Variants in OSMR observed in about 807,000 individuals in gnomAD.
OSMR encodes the protein oncostatin-M-specific receptor subunit beta.
A neutral mutation model predicts 99.9 loss-of-function variants in OSMR; 81 were observed. That is an observed-to-expected ratio of 0.81 (90% CI 0.68 to 0.97). The LOEUF is 0.97. Among genes scored for constraint, OSMR ranks in the 50% least tolerant of loss-of-function variants. The pLI, the probability that OSMR is intolerant of heterozygous loss-of-function variation, is 0.00. For synonymous variants in OSMR, 406 were observed against 410.4 expected (o/e 0.99, Z 0.13); for missense variants, 1,099 against 1,153.4 (o/e 0.95, Z 0.68).
chr5:38,884,136 C>T (rs1344734706), intron 5 of OSMR, 25 bp downstream of exon 5: 1 of 1,509,516 alleles, frequency 6.6e-7, no homozygotes, highest in Non-Finnish European at 9.2e-7. Context: ...TCTCTGTGGC[C>T]CTTTCTTCTC....
downstream of OSMR, chr5:38,945,471 G>C (rs943427405): frequency 7.3e-6 from 11 of 1,513,742 alleles, no homozygotes; most frequent in Admixed American, 1.4e-4. Flanking sequence ...TTTTTCTGAA[G>C]GTGGGACGTG....
At chr5:38,914,204 T>C (rs566100491) in intron 9 of OSMR, among the ~76,000 whole-genome samples, 15 of 152,226 alleles carry the variant, frequency 9.9e-5, no homozygotes, top group Non-Finnish European at 2.2e-4. Flanking sequence ...AAATCTGACA[T>C]CAAGCTGTTG....
intron 17 of OSMR, 166 bp from the exon 18 acceptor site, chr5:38,932,706 C>T (rs571255768): frequency 2.0e-6 from 2 of 985,328 alleles, no homozygotes; most frequent in Non-Finnish European, 2.4e-6. Flanking sequence ...TTTCTTCTGT[C>T]AGGGGAAATC....
At chr5:38,925,139 T>A in intron 14 of OSMR, 65 bp from the exon 15 acceptor site, 1 of 1,602,442 alleles carries the variant, frequency 6.2e-7, no homozygotes, top group South Asian at 1.1e-5. Context: ...TCTCACAAGA[T>A]GTTTACAACA....
intron 7 of OSMR, among the ~76,000 whole-genome samples, chr5:38,891,589 G>T (rs1045765381): frequency 6.6e-6 from 1 of 152,118 alleles, no homozygotes; most frequent in African/African-American, 2.4e-5. Flanking sequence ...AGTTTTGGGG[G>T]AATCCACACT....
chr5:38,924,038 CCTCACTTTAGTAGGTT>C (rs1746357266), intron 13 of OSMR, among the ~76,000 whole-genome samples: 1 of 152,202 alleles, frequency 6.6e-6, no homozygotes, highest in Non-Finnish European at 1.5e-5. Flanking sequence ...CTTCCTTCTT[CCTCACTTTAGTAGGTT>C]CTCTGGTTGA....
At chr5:38,861,680 T>C (rs1409221423) in intron 1 of OSMR, among the ~76,000 whole-genome samples, 2 of 150,628 alleles carry the variant, frequency 1.3e-5, no homozygotes, top group Non-Finnish European at 3.0e-5. Context: ...GCTCCTCACT[T>C]CCCAGTAGGG....
At chr5:38,941,281 A>C (rs1747540238) in intron 1 of OSMR, 1 of 232,420 alleles carries the variant, frequency 4.3e-6, no homozygotes. Context: ...TTTGGTACTT[A>C]AGGCTTTTCA....
chr5:38,933,379 C>A lies in OSMR; in HGVS notation c.2875C>A (p.Pro959Thr). Reference protein sequence around the residue: ...MAVSLRLALPPPTENSSLSSI... With the variant: ...MAVSLRLALPTPTENSSLSSI... ...AGTCTCCCTGCGTCTTGCCTTGCCT[C>A]CCCCGACCGAGAATAGCAGCCTCTC... Residue 959 changes from proline to threonine, a missense_variant, in exon 18 of 18, where the codon CCC (proline) becomes ACC (threonine). Transcript: ENST00000274276. 1 of 1,613,998 alleles carries A rather than the reference C, an allele frequency of 6.2e-7. No individual in the cohort carries two copies. Among genetic ancestry groups the A allele is most frequent in the Non-Finnish European group, 8.5e-7 (1 of 1,179,884 alleles).
intron 1 of OSMR, among the ~76,000 whole-genome samples, chr5:38,858,672 T>C (rs1741047365): frequency 1.3e-5 from 2 of 152,246 alleles, no homozygotes; most frequent in African/African-American, 2.4e-5. Flanking sequence ...TTTTAGTTTT[T>C]TGAGAGACCT....
rs1437791616 is a variant in OSMR, at chr5:38,861,896, G to A, written c.-13-7136G>A. 9.9e-4 allele frequency among the ~76,000 whole-genome samples: 134 copies of A among 135,692 alleles called. 1 individual carries two copies. The highest frequency in any genetic ancestry group is 4.2e-3 in the Middle Eastern group (1 of 236). The allele number at this position is 135,692 out of a possible 152,430, so 89.0% of individuals were successfully genotyped here. ...GGGCTGACCCCCCCACCTCCCTCCC[G>A]GACGGGGCGGCTGGCCGGGCGGGGG... On this transcript the variant is annotated intron_variant, in intron 1 of 17. Coordinates refer to ENST00000274276, the MANE Select transcript of OSMR (RefSeq NM_003999.3).
At chr5:38,874,790 A>G (rs927243177) in intron 2 of OSMR, among the ~76,000 whole-genome samples, 1 of 152,228 alleles carries the variant, frequency 6.6e-6, no homozygotes, top group Non-Finnish European at 1.5e-5. Context: ...ATTGCTTTGT[A>G]TATGTTATTT....
chr5:38,924,301 T>A lies in OSMR; in HGVS notation c.1871-121T>A, dbSNP rs1579802176. Reference sequence around the variant, plus strand: ...CTCTAGAGAAACAGATAAAACTCCTTAACTTGGCATAAGCTGTTACAACCT... The same window carrying A: ...CTCTAGAGAAACAGATAAAACTCCTAAACTTGGCATAAGCTGTTACAACCT... On this transcript the variant is annotated intron_variant, in intron 13 of 17. Transcript: ENST00000274276. The A allele has an allele frequency of 7.7e-6, 12 of 1,549,546 alleles. No homozygotes were observed. The East Asian group carries it at 2.9e-4, about 37-fold the overall frequency.
At chr5:38,888,814 T>G (rs916594247) in intron 7 of OSMR, among the ~76,000 whole-genome samples, 3 of 152,208 alleles carry the variant, frequency 2.0e-5, no homozygotes, top group Non-Finnish European at 4.4e-5. Context: ...TCATTTTGAT[T>G]ATCTGAAATT....
intron 7 of OSMR, among the ~76,000 whole-genome samples, chr5:38,888,526 C>T (rs1230030719): frequency 6.6e-6 from 1 of 152,136 alleles, no homozygotes. Flanking sequence ...CCCAAGGACC[C>T]CTTTTAACTC....
intron 9 of OSMR, among the ~76,000 whole-genome samples, chr5:38,916,095 T>G (rs996850712): frequency 6.6e-6 from 1 of 152,228 alleles, no homozygotes; most frequent in Non-Finnish European, 1.5e-5. Context: ...TGATTCTATG[T>G]GGAATACAGA....
intron 15 of OSMR, among the ~76,000 whole-genome samples, chr5:38,929,867 G>T (rs1045142895): frequency 5.9e-5 from 9 of 152,192 alleles, no homozygotes; most frequent in African/African-American, 1.9e-4. Flanking sequence ...TTGCTTCTAA[G>T]CAGATAGGTA....
chr5:38,862,239 G>A (rs1183788702), intron 1 of OSMR, among the ~76,000 whole-genome samples: 2 of 115,598 alleles, frequency 1.7e-5, no homozygotes, highest in African/African-American at 6.8e-5. Flanking sequence ...CTGGCTGGGC[G>A]GGGGGCTGAC....
At chr5:38,849,072 C>T (rs575586342) in intron 1 of OSMR, among the ~76,000 whole-genome samples, 1 of 152,266 alleles carries the variant, frequency 6.6e-6, no homozygotes, top group Non-Finnish European at 1.5e-5. Context: ...GCCACTGCGC[C>T]CGGCCAGCTA....
Sources: gnomAD v4.1 joint callset for allele counts (sites outside exome capture counted in the v4.1 genomes callset) on GRCh38, gnomAD v4.1.1 for gene constraint, MANE v1.5 for transcripts, NCBI Gene and HGNC (gene_info 2026-07-23, HGNC 2026-07-21) for gene names.